LAMA3: variants seen among roughly 807,000 people sequenced by gnomAD.
The protein encoded by LAMA3 is laminin subunit alpha-3.
LAMA3 carries 281 observed loss-of-function variants against 402.0 expected under a neutral mutation model. The observed-to-expected ratio is 0.70, with a 90% confidence interval of 0.63 to 0.77. The LOEUF (loss-of-function observed/expected upper bound fraction) is 0.77. Ranked by LOEUF, LAMA3 falls within the 30% of genes least tolerant of loss-of-function variation. The pLI is 0.00. For missense variants in LAMA3, 3,840 were observed against 4,215.5 expected (o/e 0.91, Z 2.47); for synonymous variants, 1,431 against 1,558.4 (o/e 0.92, Z 1.93).
Position 23,903,032 on chromosome 18 carries a change from C to T in LAMA3, c.6225C>T (p.Ser2075=), listed in dbSNP as rs2081126171. 6.2e-7 allele frequency: 1 copy of T among 1,609,398 alleles called. No individual in the cohort carries two copies. Among genetic ancestry groups the T allele is most frequent in the African/African-American group, 1.3e-5 (1 of 74,764 alleles). ...AGAGACAAGTGAAAGAAATAAATTC[C>T]CTGCAGAGTGATTTCACCAAGTATC... ...AIQRQVKEIN[S]LQSDFTKYLT... is the part of the protein sequence containing the mutation. Residue 2075 remains serine, a synonymous_variant, in exon 49 of 75, where the codon TCC becomes TCT. Transcript: ENST00000313654.
At chr18:23,709,849 C>T (rs955296726) in intron 1 of LAMA3, 4 of 694,386 alleles carry the variant, frequency 5.8e-6, no homozygotes, top group African/African-American at 1.8e-5. Flanking sequence ...TTGGCAACAT[C>T]CAAAGCATTG....
chr18:23,842,966 G>T (rs1198718443), intron 29 of LAMA3, among the ~76,000 whole-genome samples: 2 of 152,184 alleles, frequency 1.3e-5, no homozygotes, highest in East Asian at 3.8e-4. Context: ...AAGAGAGTAG[G>T]CGTCGCCCCT....
At position 23,949,892 on chromosome 18, in the gene LAMA3, A is replaced by G. The variant is rs764285152; in HGVS notation, c.9479A>G (p.Tyr3160Cys). 3 of 1,613,976 alleles carry G rather than the reference A, an allele frequency of 1.9e-6. No homozygotes were observed. In the South Asian group the frequency reaches 3.3e-5, roughly 18 times the overall value. ...GGTGGTCCTTTGGAGAAAGGCATTT[A>G]TTTCTCTGAAGAAGGAGGTCATGTC... is the stretch of plus-strand genomic sequence containing the variant. ...CLGGPLEKGI[Y>C]FSEEGGHVVL... The change falls in exon 71 of 75, where the codon TAT becomes TGT. Residue 3160 changes from tyrosine (Y) to cysteine (C), a missense_variant. Tyr to Cys is a radical substitution (Grantham distance 194, BLOSUM62 -2). This residue lies in a region of LAMA3 where 840 missense variants were observed against 981.9 expected (regional missense o/e 0.86). Coordinates refer to ENST00000313654, the MANE Select transcript of LAMA3 (RefSeq NM_198129.4).
rs8092476 is a variant in LAMA3 at position 23,858,668 on chromosome 18, T to C, written c.4282-21T>C. 97,956 of 1,613,718 alleles carry C rather than the reference T, an allele frequency of 0.061. 10,664 individuals are homozygous for C. The highest frequency in any genetic ancestry group is 0.43 in the African/African-American group (31,965 of 74,878). ...AAATTTTGGAACACGTGATCTCTTA[T>C]TTCATGTTTTGCTTCAATAGGAAAA... On this transcript the variant is annotated intron_variant, in intron 33 of 74. Transcript: ENST00000313654.
chr18:23,783,846 T>G (rs1475085619), intron 11 of LAMA3, among the ~76,000 whole-genome samples, 177 bp from the exon 12 acceptor site: 1 of 152,132 alleles, frequency 6.6e-6, no homozygotes, highest in Non-Finnish European at 1.5e-5. Context: ...ATCTCTGACC[T>G]TTTGTGAATT....
In LAMA3 at chr18:23,921,546, C is replaced by T. The variant is rs745387872; in HGVS notation, c.8138C>T (p.Thr2713Ile). ...GATGGTGAAGTATTTGATTTCAGCA[C>T]ATATTATCTGGGAGGAATTCCAATT... Reference protein sequence around the residue: ...IIDGEVFDFSTYYLGGIPIAI... With the variant: ...IIDGEVFDFSIYYLGGIPIAI... The change falls in exon 62 of 75, where the codon ACA becomes ATA. Residue 2713 changes from threonine to isoleucine, a missense_variant. Thr to Ile is a moderately conservative substitution (Grantham distance 89). Around this residue, in one of 3 missense-constraint regions of LAMA3, gnomAD observed 840 missense variants for 981.9 expected, o/e 0.86. Coordinates refer to ENST00000313654, the MANE Select transcript of LAMA3 (RefSeq NM_198129.4). 49 of 1,613,328 alleles carry T rather than the reference C, an allele frequency of 3.0e-5. No homozygotes were observed. Among genetic ancestry groups the T allele is most frequent in the Non-Finnish European group, 4.1e-5 (48 of 1,179,522 alleles).
chr18:23,810,525 TAGAGG>T (rs2063048169), intron 13 of LAMA3, 22 bp downstream of exon 13: 2 of 1,613,562 alleles, frequency 1.2e-6, no homozygotes, highest in African/African-American at 2.7e-5. Flanking sequence ...AGCAGATTGC[TAGAGG>T]GCTGGTTCCT....
At position 23,713,909 on chromosome 18, in the gene LAMA3, T is replaced by A. The variant is rs778484058; in HGVS notation, c.295-11T>A. ...ACAAAAAACAAAAAAAACCCACTTT[T>A]TTTTTTTCAGGGCCAGTTCTGTGAC... On this transcript the variant is annotated splice_polypyrimidine_tract_variant and intron_variant, in intron 1 of 74. Transcript: ENST00000313654. 25 of 1,603,998 alleles carry A rather than the reference T, an allele frequency of 1.6e-5. No homozygotes were observed. The highest frequency in any genetic ancestry group is 2.1e-5 in the Non-Finnish European group (25 of 1,177,492).
Position 23,953,108 on chromosome 18 carries a change from A to G in LAMA3, c.9855A>G (p.Pro3285=). The G allele has an allele frequency of 6.2e-7, 1 of 1,613,970 alleles. No homozygotes were observed. Among genetic ancestry groups the G allele is most frequent in the Non-Finnish European group, 8.5e-7 (1 of 1,179,864 alleles). Residue 3285 remains proline, a splice_region_variant and synonymous_variant, in exon 74 of 75, where the codon CCA becomes CCG. Coordinates refer to ENST00000313654, the MANE Select transcript of LAMA3 (RefSeq NM_198129.4). The part of the protein sequence containing the change: ...TQEPLHLGGA[P]ANLTTLRIPV... ...AGCCACTACACCTTGGAGGTGCTCC[A>G]GGTAACTCTTGTCCTGACTTCTATA...
At chr18:23,810,651 A>C (rs2144284656) in intron 13 of LAMA3, 148 bp downstream of exon 13, 1 of 874,204 alleles carries the variant, frequency 1.1e-6, no homozygotes, top group Admixed American at 1.9e-5. Context: ...TTGGTTCCTC[A>C]CCTGTTCAAG....
chr18:23,921,868 G>A (rs2145317307), intron 62 of LAMA3, among the ~76,000 whole-genome samples: 1 of 152,338 alleles, frequency 6.6e-6, no homozygotes, highest in African/African-American at 2.4e-5. Context: ...AATGCTGGCA[G>A]CAAGTAGAAC....
chr18:23,794,954 T>C (rs970094596), intron 12 of LAMA3, among the ~76,000 whole-genome samples: 1 of 152,264 alleles, frequency 6.6e-6, no homozygotes. Flanking sequence ...TATGTTATAA[T>C]TCTTTGACCT....
rs750836116 is a variant in LAMA3 at position 23,876,303 on chromosome 18, C to A, written c.5008C>A (p.Pro1670Thr). 6.2e-7 allele frequency: 1 copy of A among 1,611,276 alleles called. No individual in the cohort carries two copies. The highest frequency in any genetic ancestry group is 8.5e-7 in the Non-Finnish European group (1 of 1,177,514). ...TTTGTTTGAAAAATAGGGTTGTAGCCCTGGATACTATCGGGATCATAAAGG... is the reference window on the plus strand; with the variant it reads ...TTTGTTTGAAAAATAGGGTTGTAGCACTGGATACTATCGGGATCATAAAGG... The part of the protein sequence containing the change: ...YAGDSCQGCS[P>T]GYYRDHKGLY... The change falls in exon 39 of 75, where the codon CCT becomes ACT. Residue 1670 changes from proline (P) to threonine (T), a missense_variant. Physicochemically the swap from Pro to Thr is conservative, Grantham distance 38. This residue lies in a region of LAMA3 where 2,109 missense variants were observed against 2,376.0 expected (regional missense o/e 0.89). Coordinates refer to ENST00000313654, the MANE Select transcript of LAMA3 (RefSeq NM_198129.4).
intron 13 of LAMA3, among the ~76,000 whole-genome samples, chr18:23,810,990 C>T (rs986539687): frequency 1.3e-5 from 2 of 152,180 alleles, no homozygotes; most frequent in Non-Finnish European, 2.9e-5. Context: ...CTGCCCTCCT[C>T]TGGCCTTCTG....
intron 47 of LAMA3, among the ~76,000 whole-genome samples, chr18:23,900,243 A>G (rs1008157879): frequency 3.7e-4 from 56 of 152,090 alleles, no homozygotes; most frequent in African/African-American, 1.2e-3. Flanking sequence ...GCTAATTTTT[A>G]TATTTTTAGT....
rs115205425 is a variant in LAMA3, at chr18:23,924,027, C to G, written c.8177+2442C>G. ...ACATAGAGAATTTGCTTTTTTAAAACAATTTTTTGTAGAGATGGGGTCTTG... is the reference window on the plus strand; with the variant it reads ...ACATAGAGAATTTGCTTTTTTAAAAGAATTTTTTGTAGAGATGGGGTCTTG... On this transcript the variant is annotated intron_variant, in intron 62 of 74. Coordinates refer to ENST00000313654, the MANE Select transcript of LAMA3 (RefSeq NM_198129.4). 7.9e-3 allele frequency among the ~76,000 whole-genome samples: 1,205 copies of G among 152,258 alleles called. 14 individuals are homozygous for G. Among genetic ancestry groups the G allele is most frequent in the African/African-American group, 0.028 (1,151 of 41,546 alleles).
At chr18:23,780,099 G>A (rs1003192193) in intron 11 of LAMA3, among the ~76,000 whole-genome samples, 1 of 152,096 alleles carries the variant, frequency 6.6e-6, no homozygotes, top group African/African-American at 2.4e-5. Flanking sequence ...TTAAGGAATG[G>A]TGACTACTGA....
chr18:23,875,857 C>T (rs1301089426), intron 38 of LAMA3, among the ~76,000 whole-genome samples: 2 of 152,182 alleles, frequency 1.3e-5, no homozygotes, highest in Non-Finnish European at 2.9e-5. Flanking sequence ...CCCTTCTCAT[C>T]CCCCATCTCC....
chr18:23,778,570 A>G (rs2062370867), intron 11 of LAMA3, among the ~76,000 whole-genome samples: 1 of 152,152 alleles, frequency 6.6e-6, no homozygotes, highest in African/African-American at 2.4e-5. Flanking sequence ...ACATAAACCC[A>G]TCACGGCATC....
Sources: gnomAD v4.1 joint callset for allele counts (sites outside exome capture counted in the v4.1 genomes callset) on GRCh38, gnomAD v4.1.1 for gene constraint, gnomAD v4.1.1 regional missense constraint, MANE v1.5 for transcripts, NCBI Gene and HGNC (gene_info 2026-07-23, HGNC 2026-07-21) for gene names.